KDM6A: variants seen among roughly 807,000 people sequenced by gnomAD.
The protein encoded by KDM6A is lysine-specific demethylase 6A.
In KDM6A, 11 loss-of-function variants were observed where a neutral mutation model predicts 117.6. The observed-to-expected ratio is 0.09, with a 90% CI of 0.06 to 0.15. The LOEUF is 0.15. Among genes scored for constraint, KDM6A ranks in the 10% least tolerant of loss-of-function variants. The probability of loss-of-function intolerance (pLI) is 1.00; values close to 1 mark genes in which losing one functional copy is unlikely to be tolerated. For missense variants in KDM6A, 799 were observed against 1,077.3 expected, an observed-to-expected ratio of 0.74 and a Z score of 3.62; for synonymous variants, 384 against 396.1, an observed-to-expected ratio of 0.97 and a Z score of 0.36.
intron 2 of KDM6A, among the ~76,000 whole-genome samples, chrX:44,918,285 A>G (rs1044476008): frequency 1.8e-5 from 2 of 111,970 alleles, no homozygotes; most frequent in African/African-American, 6.5e-5. Context: ...TGTTAGAATT[A>G]TGACAGCTCA....
rs1396565624 is a variant in KDM6A, at chrX:45,089,786, G to A, written c.3748G>A (p.Glu1250Lys). Residue 1250 changes from glutamate (E) to lysine (K), a missense_variant, in exon 26 of 30, where the codon GAA (glutamate) becomes AAA (lysine). Coordinates refer to ENST00000611820, the MANE Select transcript of KDM6A (RefSeq NM_001291415.2). ...FLMGSWWPNL[E>K]DLYEANVPVY... ...AATGGGTTCTTGGTGGCCCAATCTT[G>A]AAGATCTTTATGAAGCAAATGTTCC... is the stretch of plus-strand genomic sequence containing the variant. The A allele has an allele frequency of 8.3e-7, 1 of 1,209,214 alleles. No homozygotes were observed. The highest frequency in any genetic ancestry group is 1.1e-6 in the Non-Finnish European group (1 of 893,676).
At chrX:45,069,429 C>A in intron 17 of KDM6A, 150 bp from the exon 18 acceptor site, 1 of 511,692 alleles carries the variant, frequency 2.0e-6, no homozygotes, top group East Asian at 3.7e-5. Flanking sequence ...AGCTAAGTTG[C>A]AGGTACTTTT....
intron 8 of KDM6A, among the ~76,000 whole-genome samples, chrX:45,042,500 TACCTATTAAAAGTTAG>T (rs2043315367): frequency 2.7e-5 from 3 of 111,424 alleles, no homozygotes; most frequent in Non-Finnish European, 3.8e-5. Flanking sequence ...CCTGCTTACC[TACCTATTAAAAGTTAG>T]TTTTTATAGT....
chrX:44,884,860 A>T (rs983747768), intron 2 of KDM6A, among the ~76,000 whole-genome samples: 2 of 111,744 alleles, frequency 1.8e-5, no homozygotes, highest in Non-Finnish European at 3.8e-5. Context: ...TGCCTACTTG[A>T]CTACCTTGGT....
At chrX:45,019,443 C>T (rs1251152721) in intron 5 of KDM6A, among the ~76,000 whole-genome samples, 3 of 111,902 alleles carry the variant, frequency 2.7e-5, no homozygotes, top group Non-Finnish European at 3.8e-5. Flanking sequence ...CAAAAGTGTA[C>T]ATAACCATTC....
At chrX:44,873,750 G>T in intron 1 of KDM6A, 38 bp downstream of exon 1, 11 of 1,159,284 alleles carry the variant, frequency 9.5e-6, no homozygotes, top group Non-Finnish European at 1.3e-5. Context: ...GGCTCCGGAC[G>T]GGCAGTAGCC....
At chrX:45,111,339 A>C (rs756433561) in intron 29 of KDM6A, 43 bp from the exon 30 acceptor site, 19 of 1,081,724 alleles carry the variant, frequency 1.8e-5, no homozygotes, top group Non-Finnish European at 2.4e-5. Context: ...TGAGCTATTA[A>C]CAATTTGTAT....
chrX:44,874,176 C>CTTTTCAA (rs1341859892), intron 2 of KDM6A, among the ~76,000 whole-genome samples, 189 bp downstream of exon 2: 3 of 111,811 alleles, frequency 2.7e-5, no homozygotes, highest in African/African-American at 9.8e-5. Flanking sequence ...CGAAATCGCT[C>CTTTTCAA]TTTTCCTCTT....
chrX:45,000,137 C>T (rs1394246284), intron 4 of KDM6A, among the ~76,000 whole-genome samples: 1 of 112,082 alleles, frequency 8.9e-6, no homozygotes, highest in East Asian at 2.8e-4. Context: ...CCTGTTTTCC[C>T]CAGCCATCTG....
chrX:44,950,031 T>TG (rs1452459787), intron 2 of KDM6A, among the ~76,000 whole-genome samples: 2 of 110,389 alleles, frequency 1.8e-5, no homozygotes, highest in Non-Finnish European at 3.8e-5. Context: ...TTTTTTTTTT[T>TG]TTTGAGATGG....
At position 45,085,997 on chromosome X, in the gene KDM6A, A is replaced by T. The variant is rs1197268645; in HGVS notation, c.3704+18A>T. On this transcript the variant is annotated intron_variant, in intron 25 of 29. Coordinates refer to ENST00000611820, the MANE Select transcript of KDM6A (RefSeq NM_001291415.2). ...TGTGAAAAGTAGGTTTCCAAAGTAA[A>T]TTTTCTTAAAACATATATTAGAAAG... 9.9e-7 allele frequency: 1 copy of T among 1,007,056 alleles called. No individual in the cohort carries two copies. The highest frequency in any genetic ancestry group is 1.9e-5 in the South Asian group (1 of 52,612). The allele number at this position is 1,007,056 out of a possible 1,213,427, so 83.0% of individuals were successfully genotyped here.
At chrX:45,108,410 T>G (rs891354736) in intron 28 of KDM6A, among the ~76,000 whole-genome samples, 4 of 111,931 alleles carry the variant, frequency 3.6e-5, no homozygotes, top group African/African-American at 1.3e-4. Flanking sequence ...TTGAAGCCAT[T>G]AAAAGGTTTT....
intron 28 of KDM6A, among the ~76,000 whole-genome samples, chrX:45,108,294 G>A (rs1163440364): frequency 1.8e-5 from 2 of 111,473 alleles, no homozygotes; most frequent in Admixed American, 9.5e-5. Context: ...AATGTGTTCC[G>A]ATTTGGCTGG....
At position 44,873,793 on chromosome X, in the gene KDM6A, C is replaced by T. The variant is rs2031122079; in HGVS notation, c.161+81C>T. ...CGGGAGGACCGAGCGCGGCTTGTCT[C>T]TGGCGGCGGCGGGGCGGGCACCTCG... On this transcript the variant is annotated intron_variant, in intron 1 of 29. Coordinates refer to ENST00000611820, the MANE Select transcript of KDM6A (RefSeq NM_001291415.2). 9 of 1,146,710 alleles carry T rather than the reference C, an allele frequency of 7.8e-6. No individual in the cohort carries two copies. In the East Asian group the frequency reaches 2.0e-4, roughly 25 times the overall value. 94.5% of individuals were successfully genotyped at this position (1,146,710 alleles called of 1,213,427 possible).
chrX:44,940,036 T>A (rs2037204488), intron 2 of KDM6A, among the ~76,000 whole-genome samples: 2 of 112,009 alleles, frequency 1.8e-5, no homozygotes, highest in African/African-American at 6.5e-5. Context: ...ATGCTTGTAC[T>A]ATCAGTTATT....
chrX:44,945,863 G>A (rs932511001), intron 2 of KDM6A, among the ~76,000 whole-genome samples: 4 of 111,392 alleles, frequency 3.6e-5, no homozygotes, highest in African/African-American at 1.3e-4. Context: ...GCCCAATACC[G>A]TATTACCTTT....
At chrX:44,895,110 A>ATTTT (rs1373785982) in intron 2 of KDM6A, among the ~76,000 whole-genome samples, 3 of 92,195 alleles carry the variant, frequency 3.3e-5, no homozygotes, top group African/African-American at 1.3e-4. Flanking sequence ...TTATTTATTT[A>ATTTT]TTTATTTATT....
chrX:44,950,457 T>C (rs1293063169), intron 2 of KDM6A, among the ~76,000 whole-genome samples: 1 of 112,124 alleles, frequency 8.9e-6, no homozygotes, highest in Non-Finnish European at 1.9e-5. Flanking sequence ...AAGGAGACTT[T>C]ATAATGTACT....
At chrX:45,109,565 A>AT (rs201497181) in intron 28 of KDM6A, among the ~76,000 whole-genome samples, 1,099 of 108,877 alleles carry the variant, frequency 0.01, 11 homozygotes, top group African/African-American at 0.03. Context: ...GAATCCATTG[A>AT]TTTTTTTTTT....
Sources: allele counts gnomAD v4.1 joint callset (sites outside exome capture counted in the v4.1 genomes callset), GRCh38; gene constraint gnomAD v4.1.1; transcripts MANE v1.5; gene names NCBI Gene and HGNC (gene_info 2026-07-23, HGNC 2026-07-21).